Variants in MYEF2 observed in about 807,000 individuals in gnomAD.
The protein encoded by MYEF2 is myelin expression factor 2.
Under a neutral mutation model 75.2 loss-of-function variants are expected in MYEF2, and 37 were observed. The ratio of observed to expected loss-of-function variants is 0.49; its 90% CI spans 0.38 to 0.65. The LOEUF (loss-of-function observed/expected upper bound fraction) is 0.65, where lower values mean the gene tolerates loss of function less well. Among genes scored for constraint, MYEF2 ranks in the 30% least tolerant of loss-of-function variants. The pLI is 0.00. For synonymous variants in MYEF2, 195 were observed against 241.6 expected (o/e 0.81, Z 1.79); for missense variants, 634 against 771.4 (o/e 0.82, Z 2.11).
At chr15:48,154,764 T>A (rs920027572) in intron 9 of MYEF2, among the ~76,000 whole-genome samples, 2 of 151,928 alleles carry the variant, frequency 1.3e-5, no homozygotes, top group Non-Finnish European at 2.9e-5. Flanking sequence ...GGGAAAAAAA[T>A]TAGTGCCAGA....
In MYEF2 at chr15:48,135,917, G is replaced by A. The variant is rs1013573713; in HGVS notation, c.*6991C>T. ...CAGTTGTCTGTAAGGGATAGTGACTGTGAGAGTATCCAAGCTAATTCTTCC... is the reference window on the plus strand; with the variant it reads ...CAGTTGTCTGTAAGGGATAGTGACTATGAGAGTATCCAAGCTAATTCTTCC... On this transcript the variant is annotated 3_prime_UTR_variant, in exon 17 of 17. Transcript: ENST00000324324. The A allele has an allele frequency of 1.3e-5, 2 of 152,144 alleles. No homozygotes were observed. The highest frequency in any genetic ancestry group is 2.4e-5 in the African/African-American group (1 of 41,438). The allele number at this position is 152,144 out of a possible 1,614,324, so 9.4% of individuals were successfully genotyped here. A position where few individuals can be genotyped will look rare whatever the true frequency, so the allele number is the denominator to read the frequency against.
At chr15:48,152,119 T>A in intron 11 of MYEF2, 115 bp downstream of exon 11, 1 of 1,227,268 alleles carries the variant, frequency 8.1e-7, no homozygotes, top group Non-Finnish European at 1.2e-6. Context: ...TAGCAGCCTT[T>A]AGAACATGAG....
At chr15:48,152,411 G>A (rs2039525521) in intron 10 of MYEF2, 127 bp from the exon 11 acceptor site, 2 of 744,720 alleles carry the variant, frequency 2.7e-6, no homozygotes, top group African/African-American at 3.6e-5. Context: ...GAAGCGGTAG[G>A]GTACAGGAGG....
Position 48,149,338 on chromosome 15 carries a change from C to G in MYEF2, c.1412G>C (p.Gly471Ala), listed in dbSNP as rs201483817. The stretch of plus-strand genomic sequence containing the variant: ...CCGGTCCAGTCCCATCCCCATTCCT[C>G]CAGTCACACTGTTCATGCTACCCAT... ...GGMGSMNSVT[G>A]GMGMGLDRMS... The change falls in exon 15 of 17, where the codon GGA (glycine) becomes GCA (alanine). Residue 471 changes from glycine (G) to alanine (A), a missense_variant. Transcript: ENST00000324324. This position sits in a 1 kb window ranked among gnomAD's most constrained non-coding sequence, Gnocchi z 4.0. The G allele has an allele frequency of 4.3e-5, 70 of 1,613,046 alleles. 1 individual carries two copies. The East Asian group carries it at 1.4e-3, about 33-fold the overall frequency.
rs1198554589 is a variant in MYEF2 at position 48,134,876 on chromosome 15, T to C, written c.*8032A>G. 5.6e-6 allele frequency: 9 copies of C among 1,593,056 alleles called. No homozygotes were observed. Among genetic ancestry groups the C allele is most frequent in the Non-Finnish European group, 6.9e-6 (8 of 1,165,082 alleles). On this transcript the variant is annotated 3_prime_UTR_variant, in exon 17 of 17. Coordinates refer to ENST00000324324, the MANE Select transcript of MYEF2 (RefSeq NM_016132.5). ...ATGTAATGGAAATAATAACTTACCA[T>C]ATTACAGGTCTCAACACTATCATGT...
chr15:48,168,749 T>C lies in MYEF2; in HGVS notation c.252A>G (p.Ser84=). 6.2e-7 allele frequency: 1 copy of C among 1,613,826 alleles called. No individual in the cohort carries two copies. The highest frequency in any genetic ancestry group is 8.5e-7 in the Non-Finnish European group (1 of 1,179,752). Residue 84 remains serine, a synonymous_variant, in exon 2 of 17, where the codon TCA becomes TCG. Transcript: ENST00000324324. ...SKKANRFHPY[S]KDKNSGAGEK... is the part of the protein sequence containing the mutation. ...CTCCAGCGCCCGAATTCTTGTCTTT[T>C]GAATAAGGATGAAATCTATTGGCCT... is the stretch of plus-strand genomic sequence containing the variant.
chr15:48,154,952 G>T (rs59318801), intron 9 of MYEF2, among the ~76,000 whole-genome samples: 6,667 of 151,950 alleles, frequency 0.044, 342 homozygotes, highest in African/African-American at 0.11. Flanking sequence ...TTACATAAAA[G>T]AATAATTATA....
Position 48,143,383 on chromosome 15 carries a change from C to T in MYEF2, c.1640-312G>A, listed in dbSNP as rs2039157285. On this transcript the variant is annotated intron_variant, in intron 16 of 16. Coordinates refer to ENST00000324324, the MANE Select transcript of MYEF2 (RefSeq NM_016132.5). ...AATAAGTCAAGCTAGCACAAAATGCCGCCAACTCACCATGCCCTATAACAA... is the reference window on the plus strand; with the variant it reads ...AATAAGTCAAGCTAGCACAAAATGCTGCCAACTCACCATGCCCTATAACAA... 3.3e-5 allele frequency among the ~76,000 whole-genome samples: 5 copies of T among 151,992 alleles called. 1 individual carries two copies. Among genetic ancestry groups the T allele is most frequent in the Admixed American group, 2.0e-4 (3 of 15,254 alleles).
Position 48,134,956 on chromosome 15 carries a change from G to C in MYEF2, c.*7952C>G, listed in dbSNP as rs1335131907. 6.2e-7 allele frequency: 1 copy of C among 1,611,488 alleles called. No individual in the cohort carries two copies. Among genetic ancestry groups the C allele is most frequent in the South Asian group, 1.1e-5 (1 of 90,726 alleles). On this transcript the variant is annotated 3_prime_UTR_variant, in exon 17 of 17. Coordinates refer to ENST00000324324, the MANE Select transcript of MYEF2 (RefSeq NM_016132.5). The stretch of plus-strand genomic sequence containing the variant: ...CACAATTAGTGCAGCAGCAGTTCTT[G>C]GTATAATATATGACAACCAAGTTTA...
chr15:48,160,508 C>CACAT (rs1164802888), intron 5 of MYEF2, among the ~76,000 whole-genome samples: 6 of 151,828 alleles, frequency 4.0e-5, no homozygotes, highest in Non-Finnish European at 8.8e-5. Flanking sequence ...CACACACACA[C>CACAT]ACACACACAC....
chr15:48,144,769 C>G (rs2039217821), intron 16 of MYEF2, among the ~76,000 whole-genome samples: 1 of 151,710 alleles, frequency 6.6e-6, no homozygotes, highest in South Asian at 2.1e-4. Context: ...ATTAAAGAAG[C>G]TGTTGGTAAA....
rs1481642081 is a variant in MYEF2 at position 48,135,425 on chromosome 15, T to C, written c.*7483A>G. 1 of 153,506 alleles carries C rather than the reference T, an allele frequency of 6.5e-6. No individual in the cohort carries two copies. The highest frequency in any genetic ancestry group is 1.5e-5 in the Non-Finnish European group (1 of 68,892). 9.5% of individuals were successfully genotyped at this position (153,506 alleles called of 1,614,324 possible). On this transcript the variant is annotated 3_prime_UTR_variant, in exon 17 of 17. Coordinates refer to ENST00000324324, the MANE Select transcript of MYEF2 (RefSeq NM_016132.5). ...TTTTTAAATTCCTCCAAACTTCTGATGCTCATTCAGGAGAAACTATAGCCT... is the reference window on the plus strand; with the variant it reads ...TTTTTAAATTCCTCCAAACTTCTGACGCTCATTCAGGAGAAACTATAGCCT...
At chr15:48,167,911 G>A (rs2040185876) in intron 2 of MYEF2, among the ~76,000 whole-genome samples, 1 of 151,650 alleles carries the variant, frequency 6.6e-6, no homozygotes. Context: ...TCAAATAGTT[G>A]TCACCTTACA....
At chr15:48,147,226 A>G (rs763602638) in intron 16 of MYEF2, among the ~76,000 whole-genome samples, 4 of 151,922 alleles carry the variant, frequency 2.6e-5, no homozygotes, top group Non-Finnish European at 5.9e-5. Context: ...TCATGTCAAA[A>G]CAATGCCACT....
At position 48,134,783 on chromosome 15, in the gene MYEF2, CAAT is replaced by C. The variant is rs1347082061; in HGVS notation, c.*8122_*8124del. The C allele has an allele frequency of 1.0e-6, 1 of 954,230 alleles. No individual in the cohort carries two copies. Among genetic ancestry groups the C allele is most frequent in the Admixed American group, 2.6e-5 (1 of 38,334 alleles). The allele number at this position is 954,230 out of a possible 1,614,324, so 59.1% of individuals were successfully genotyped here. Reference sequence around the variant, plus strand: ...TCTCTAAGCAATATGCAAAAGATAACAATATTTAACTACAAATATATAAACAAT... The same window carrying C: ...TCTCTAAGCAATATGCAAAAGATAACATTTAACTACAAATATATAAACAAT... On this transcript the variant is annotated 3_prime_UTR_variant, in exon 17 of 17. Transcript: ENST00000324324.
chr15:48,153,658 A>G (rs1185595697), intron 10 of MYEF2, 134 bp downstream of exon 10: 2 of 697,512 alleles, frequency 2.9e-6, no homozygotes, highest in Non-Finnish European at 4.7e-6. Flanking sequence ...TTCCTTTTTC[A>G]GAATGAAGTG....
In MYEF2 at chr15:48,139,019, T is replaced by G. The variant is rs192454382; in HGVS notation, c.*3889A>C. On this transcript the variant is annotated 3_prime_UTR_variant, in exon 17 of 17. Transcript: ENST00000324324. ...TGAAGCAGACTTAAAAAGAATTTTTTGGGTATTATCCCTTCCTATTATTAC... is the reference window on the plus strand; with the variant it reads ...TGAAGCAGACTTAAAAAGAATTTTTGGGGTATTATCCCTTCCTATTATTAC... 8.6e-5 allele frequency: 139 copies of G among 1,613,076 alleles called. 1 individual carries two copies. In the East Asian group the frequency reaches 2.5e-3, roughly 29 times the overall value.
At chr15:48,172,210 G>A (rs1259697505) in intron 1 of MYEF2, among the ~76,000 whole-genome samples, 2 of 152,096 alleles carry the variant, frequency 1.3e-5, no homozygotes. Context: ...GATGAACCTG[G>A]CCAACATGGT....
chr15:48,142,837 CT>C lies in MYEF2; in HGVS notation c.*70del. The stretch of plus-strand genomic sequence containing the variant: ...CAGCTTTTGTAAGCATACAATATTA[CT>C]TTAAAAAAATGACTTTTACTAGGAG... On this transcript the variant is annotated 3_prime_UTR_variant, in exon 17 of 17. Transcript: ENST00000324324. 1.4e-6 allele frequency: 2 copies of C among 1,431,156 alleles called. No individual in the cohort carries two copies. Among genetic ancestry groups the C allele is most frequent in the South Asian group, 2.8e-5 (2 of 72,488 alleles). 88.7% of individuals were successfully genotyped at this position (1,431,156 alleles called of 1,614,324 possible). A position where few individuals can be genotyped will look rare whatever the true frequency, so the allele number is the denominator to read the frequency against.
Sources: gnomAD v4.1 joint callset for allele counts (sites outside exome capture counted in the v4.1 genomes callset) on GRCh38, gnomAD v4.1.1 for gene constraint, Gnocchi (gnomAD v3.1) non-coding constraint, MANE v1.5 for transcripts, NCBI Gene and HGNC (gene_info 2026-07-23, HGNC 2026-07-21) for gene names.